ZC3H6: variants seen among roughly 807,000 people sequenced by gnomAD.
ZC3H6 encodes the protein zinc finger CCCH domain-containing protein 6.
Under a neutral mutation model 107.7 loss-of-function variants are expected in ZC3H6, and 40 were observed. The observed-to-expected ratio is 0.37, with a 90% CI of 0.29 to 0.48. ZC3H6 has a LOEUF of 0.48. Among genes scored for constraint, ZC3H6 ranks in the 20% least tolerant of loss-of-function variants. The probability of loss-of-function intolerance (pLI) is 0.98; values close to 1 mark genes in which losing one functional copy is unlikely to be tolerated. For missense variants in ZC3H6, 1,267 were observed against 1,410.4 expected (o/e 0.90, Z 1.63); for synonymous variants, 493 against 487.9 (o/e 1.01, Z -0.14).
At chr2:112,290,637 A>G (rs1002887763) in intron 1 of ZC3H6, among the ~76,000 whole-genome samples, 1 of 151,070 alleles carries the variant, frequency 6.6e-6, no homozygotes, top group African/African-American at 2.4e-5. Context: ...AATACGTGTT[A>G]AATGAATGAA....
In ZC3H6 at chr2:112,324,574, A is replaced by G. The variant is rs75832760; in HGVS notation, c.1763A>G (p.Tyr588Cys). The G allele has an allele frequency of 7.2e-3, 11,646 of 1,611,944 alleles. 52 individuals are homozygous for G. The highest frequency in any genetic ancestry group is 8.7e-3 in the Non-Finnish European group (10,279 of 1,178,852). ...SPGEMQLNTN[Y>C]ESLQNPAEFY... ...GGTGAAATGCAGCTCAACACCAATT[A>G]TGAGTCCCTGCAAAACCCAGCTGAG... Residue 588 changes from tyrosine (Y) to cysteine (C), a missense_variant, in exon 10 of 12, where the codon TAT becomes TGT. By Grantham distance (194) the Tyr-to-Cys change is radical. Around this residue, in one of 3 missense-constraint regions of ZC3H6, gnomAD observed 925 missense variants for 1,025.7 expected, o/e 0.90. Transcript: ENST00000409871.
intron 1 of ZC3H6, among the ~76,000 whole-genome samples, chr2:112,280,183 C>T (rs1417069515): frequency 6.6e-6 from 1 of 152,170 alleles, no homozygotes; most frequent in African/African-American, 2.4e-5. Flanking sequence ...TTAGAGTACA[C>T]TTTTTGCTCC....
In ZC3H6 at chr2:112,324,640, T is replaced by G. The variant is rs749464105; in HGVS notation, c.1829T>G (p.Phe610Cys). ...TATGCACAGCATTCTATACATAATT[T>G]TCAGCCACCCAATAACTCTGGTGGT... is the stretch of plus-strand genomic sequence containing the variant. ...NYYAQHSIHN[F>C]QPPNNSGDGM... Residue 610 changes from phenylalanine (F) to cysteine (C), a missense_variant, in exon 10 of 12, where the codon TTT becomes TGT. Coordinates refer to ENST00000409871, the MANE Select transcript of ZC3H6 (RefSeq NM_198581.3). 2.5e-6 allele frequency: 4 copies of G among 1,604,306 alleles called. No individual in the cohort carries two copies. The highest frequency in any genetic ancestry group is 1.3e-5 in the African/African-American group (1 of 74,398).
At chr2:112,314,788 T>C (rs1293017131) in intron 5 of ZC3H6, among the ~76,000 whole-genome samples, 6 of 152,216 alleles carry the variant, frequency 3.9e-5, no homozygotes. Context: ...CAAATTTATA[T>C]AGATTTGAGA....
At chr2:112,276,114 A>C in intron 1 of ZC3H6, 88 bp downstream of exon 1, 1 of 1,246,808 alleles carries the variant, frequency 8.0e-7, no homozygotes, top group Non-Finnish European at 1.1e-6. Flanking sequence ...CGCCTCCTGC[A>C]TGACCTAGAC....
At chr2:112,306,265 C>T (rs968623665) in intron 3 of ZC3H6, among the ~76,000 whole-genome samples, 1 of 151,418 alleles carries the variant, frequency 6.6e-6, no homozygotes, top group Admixed American at 6.6e-5. Flanking sequence ...CTCTGCTTCC[C>T]GAGTTCAAGT....
At chr2:112,321,010 C>T (rs1676791302) in intron 7 of ZC3H6, among the ~76,000 whole-genome samples, 1 of 151,910 alleles carries the variant, frequency 6.6e-6, no homozygotes. Flanking sequence ...TATCAGTTGC[C>T]TTTTGCATCT....
intron 7 of ZC3H6, among the ~76,000 whole-genome samples, chr2:112,320,521 A>G (rs1368071539): frequency 6.6e-6 from 1 of 152,102 alleles, no homozygotes; most frequent in African/African-American, 2.4e-5. Context: ...TAAGGCAAAT[A>G]CTCCTTCCTT....
At chr2:112,286,761 A>G (rs531408112) in intron 1 of ZC3H6, among the ~76,000 whole-genome samples, 5 of 152,330 alleles carry the variant, frequency 3.3e-5, no homozygotes, top group Admixed American at 6.5e-5. Context: ...CTGTTTAGAT[A>G]TGATGGTAAC....
intron 7 of ZC3H6, among the ~76,000 whole-genome samples, chr2:112,321,139 A>C (rs910900480): frequency 6.6e-6 from 1 of 152,034 alleles, no homozygotes; most frequent in Non-Finnish European, 1.5e-5. Flanking sequence ...ATTTTTCACT[A>C]TACTTCTAGA....
At chr2:112,285,285 C>A (rs997204647) in intron 1 of ZC3H6, among the ~76,000 whole-genome samples, 45 of 151,806 alleles carry the variant, frequency 3.0e-4, no homozygotes, top group African/African-American at 1.1e-3. Flanking sequence ...TACAAAGTGA[C>A]ACAAAAAGAT....
intron 11 of ZC3H6, among the ~76,000 whole-genome samples, chr2:112,328,401 T>C (rs981969298): frequency 6.6e-6 from 1 of 152,226 alleles, no homozygotes; most frequent in African/African-American, 2.4e-5. Flanking sequence ...TGGAACTGCA[T>C]TGAATCTGTA....
chr2:112,292,483 G>T (rs1331195973), intron 1 of ZC3H6, among the ~76,000 whole-genome samples: 1 of 152,186 alleles, frequency 6.6e-6, no homozygotes, highest in East Asian at 1.9e-4. Context: ...TAACTAGAAC[G>T]ATGATAAGGA....
intron 7 of ZC3H6, among the ~76,000 whole-genome samples, chr2:112,321,357 T>C (rs1215895465): frequency 8.5e-6 from 1 of 118,070 alleles, no homozygotes; most frequent in Admixed American, 8.7e-5. Flanking sequence ...TTTGCTATAA[T>C]AGTGATAAAT....
At chr2:112,325,582 C>T (rs1260157224) in intron 11 of ZC3H6, among the ~76,000 whole-genome samples, 1 of 152,110 alleles carries the variant, frequency 6.6e-6, no homozygotes, top group Non-Finnish European at 1.5e-5. Context: ...TACTTAATTG[C>T]TAAAGGTTTG....
intron 1 of ZC3H6, among the ~76,000 whole-genome samples, chr2:112,294,198 G>C (rs192041113): frequency 2.6e-5 from 4 of 150,996 alleles, no homozygotes; most frequent in African/African-American, 7.3e-5. Flanking sequence ...TTGGGCTTAC[G>C]TAAGTAGCCT....
At chr2:112,317,172 T>C in intron 6 of ZC3H6, 49 bp from the exon 7 acceptor site, 1 of 1,083,658 alleles carries the variant, frequency 9.2e-7, no homozygotes, top group Non-Finnish European at 1.3e-6. Context: ...TTGTTTCTCA[T>C]TGTTTCTTAC....
intron 1 of ZC3H6, among the ~76,000 whole-genome samples, chr2:112,288,973 G>T (rs72831694): frequency 6.9e-6 from 1 of 144,058 alleles, no homozygotes. Flanking sequence ...TTCTTTGAGC[G>T]TTCCTCTTCT....
At chr2:112,288,710 T>C (rs961054215) in intron 1 of ZC3H6, among the ~76,000 whole-genome samples, 20 of 152,228 alleles carry the variant, frequency 1.3e-4, no homozygotes, top group Non-Finnish European at 2.4e-4. Context: ...AAGAAATCTT[T>C]TGTTGCTGGT....
Sources: allele counts gnomAD v4.1 joint callset (sites outside exome capture counted in the v4.1 genomes callset), GRCh38; gene constraint gnomAD v4.1.1; regional missense constraint gnomAD v4.1.1; transcripts MANE v1.5; gene names NCBI Gene and HGNC (gene_info 2026-07-23, HGNC 2026-07-21).